The following TEAD4 variants were observed in gnomAD, a reference collection of about 807,000 sequenced individuals.
TEAD4 encodes transcriptional enhancer factor TEF-3.
In TEAD4, 36 loss-of-function variants were observed where a neutral mutation model predicts 52.4. The observed-to-expected ratio is 0.69, with a 90% CI of 0.53 to 0.91. TEAD4 has a LOEUF of 0.91. TEAD4 is among the 40% of genes least tolerant of loss of function. The pLI, the probability that TEAD4 is intolerant of heterozygous loss-of-function variation, is 0.00. For synonymous variants in TEAD4, 220 were observed against 231.0 expected (o/e 0.95, Z 0.43); for missense variants, 508 against 583.9 (o/e 0.87, Z 1.34).
At chr12:3,014,255 G>T (rs1223626729) in intron 5 of TEAD4, among the ~76,000 whole-genome samples, 1 of 152,166 alleles carries the variant, frequency 6.6e-6, no homozygotes, top group East Asian at 1.9e-4. Flanking sequence ...GATGACCACG[G>T]TGAACAGACT....
chr12:3,039,641 A>G (rs1328028913), intron 11 of TEAD4, among the ~76,000 whole-genome samples: 1 of 152,016 alleles, frequency 6.6e-6, no homozygotes. Flanking sequence ...CTGGCCACCC[A>G]TGGAGAAAGG....
chr12:3,019,396 G>A (rs748671495), intron 8 of TEAD4, among the ~76,000 whole-genome samples: 1 of 152,196 alleles, frequency 6.6e-6, no homozygotes, highest in Non-Finnish European at 1.5e-5. Context: ...CCTTGCTCCT[G>A]TCCCCTCAAA....
intron 2 of TEAD4, among the ~76,000 whole-genome samples, chr12:2,963,573 C>A (rs1391400321): frequency 6.6e-6 from 1 of 152,188 alleles, no homozygotes; most frequent in Non-Finnish European, 1.5e-5. Context: ...AGGGCTTTGT[C>A]ACTGGGGAGA....
intron 3 of TEAD4, among the ~76,000 whole-genome samples, chr12:3,002,684 G>A (rs1391322196): frequency 6.6e-6 from 1 of 152,214 alleles, no homozygotes; most frequent in Non-Finnish European, 1.5e-5. Flanking sequence ...CACACAGTAG[G>A]TGCCAAATGC....
At chr12:2,972,330 T>C (rs918943996) in intron 2 of TEAD4, among the ~76,000 whole-genome samples, 2 of 151,844 alleles carry the variant, frequency 1.3e-5, no homozygotes, top group African/African-American at 4.8e-5. Flanking sequence ...CATCCTCCCG[T>C]CTCGGACCCT....
chr12:3,024,257 T>C (rs1314864491), intron 10 of TEAD4, among the ~76,000 whole-genome samples: 2 of 152,080 alleles, frequency 1.3e-5, no homozygotes, highest in African/African-American at 4.8e-5. Flanking sequence ...TGTATTTTTT[T>C]AGTAGAGACG....
intron 3 of TEAD4, among the ~76,000 whole-genome samples, chr12:3,007,527 G>A (rs529000679): frequency 7.2e-5 from 11 of 152,170 alleles, no homozygotes; most frequent in African/African-American, 1.2e-4. Context: ...AGGTTTACGC[G>A]TTAGGACCCA....
intron 2 of TEAD4, among the ~76,000 whole-genome samples, chr12:2,989,396 T>C (rs551187894): frequency 1.3e-5 from 2 of 152,236 alleles, no homozygotes; most frequent in Admixed American, 1.3e-4. Flanking sequence ...TGATGTTATA[T>C]TGAGTCTTCT....
intron 2 of TEAD4, among the ~76,000 whole-genome samples, chr12:2,975,081 T>C (rs56023689): frequency 0.049 from 7,505 of 152,072 alleles, 202 homozygotes; most frequent in South Asian, 0.076. Flanking sequence ...TTTGTATTTA[T>C]TTATTTTTTA....
intron 2 of TEAD4, among the ~76,000 whole-genome samples, chr12:2,962,611 A>G (rs938427749): frequency 7.2e-5 from 11 of 151,978 alleles, no homozygotes; most frequent in Admixed American, 1.3e-4. Flanking sequence ...CTGAGATTAT[A>G]GGCATGAGCC....
intron 2 of TEAD4, among the ~76,000 whole-genome samples, chr12:2,973,594 A>G (rs374619936): frequency 6.6e-6 from 1 of 152,176 alleles, no homozygotes; most frequent in Admixed American, 6.5e-5. Context: ...GAATGACATG[A>G]AAAAGAGGAG....
chr12:3,015,345 T>C (rs67075297), intron 5 of TEAD4, among the ~76,000 whole-genome samples: 10,966 of 152,200 alleles, frequency 0.072, 994 homozygotes, highest in East Asian at 0.47. Context: ...CTCAGTTTCT[T>C]CATCTTAATG....
intron 3 of TEAD4, among the ~76,000 whole-genome samples, chr12:2,996,738 CAG>C (rs1262339029): frequency 2.0e-5 from 3 of 151,916 alleles, no homozygotes; most frequent in Non-Finnish European, 2.9e-5. Flanking sequence ...GTTTTTGAGA[CAG>C]AGTCTTGCTC....
intron 3 of TEAD4, among the ~76,000 whole-genome samples, chr12:3,010,440 CTT>C: frequency 6.6e-6 from 1 of 152,244 alleles, no homozygotes; most frequent in South Asian, 2.1e-4. Context: ...CACTGACTGG[CTT>C]TTCTTTATGA....
chr12:3,030,098 G>C (rs1247330160), intron 10 of TEAD4, among the ~76,000 whole-genome samples: 1 of 152,140 alleles, frequency 6.6e-6, no homozygotes, highest in Non-Finnish European at 1.5e-5. Context: ...CCTCTCTTTT[G>C]AATAAGCCCT....
chr12:2,988,476 G>A (rs536572098), intron 2 of TEAD4, among the ~76,000 whole-genome samples: 13 of 143,318 alleles, frequency 9.1e-5, no homozygotes, highest in African/African-American at 2.4e-4. Flanking sequence ...CCGAGATTGC[G>A]CCACTGCACT....
chr12:2,969,882 G>T (rs2098223689), intron 2 of TEAD4, among the ~76,000 whole-genome samples: 1 of 152,214 alleles, frequency 6.6e-6, no homozygotes, highest in Non-Finnish European at 1.5e-5. Context: ...GCAGACTCCA[G>T]AGTGGTGCTG....
rs555368356 is a variant in TEAD4 at position 3,013,738 on chromosome 12, A to G, written c.354+1506A>G. Reference sequence around the variant, plus strand: ...AACAGAGTGAGACTCCATCTCAAAAAAAGCCACTGGGCTAGCTGGGCATGC... The same window carrying G: ...AACAGAGTGAGACTCCATCTCAAAAGAAGCCACTGGGCTAGCTGGGCATGC... On this transcript the variant is annotated intron_variant, in intron 5 of 12. Transcript: ENST00000359864. Among the ~76,000 whole-genome samples, 144 of 152,124 alleles carry G rather than the reference A, an allele frequency of 9.5e-4. 1 individual carries two copies. The highest frequency in any genetic ancestry group is 1.1e-3 in the Non-Finnish European group (78 of 67,980).
At chr12:3,023,714 C>T (rs1434663358) in intron 10 of TEAD4, among the ~76,000 whole-genome samples, 3 of 149,754 alleles carry the variant, frequency 2.0e-5, no homozygotes, top group South Asian at 2.1e-4. Flanking sequence ...ATCGCTTGAA[C>T]GTGGGAGGCG....
Sources: allele counts gnomAD v4.1 joint callset (sites outside exome capture counted in the v4.1 genomes callset), GRCh38; gene constraint gnomAD v4.1.1; transcripts MANE v1.5; gene names NCBI Gene and HGNC (gene_info 2026-07-23, HGNC 2026-07-21).